TICRR: variants seen among roughly 807,000 people sequenced by gnomAD.
The protein encoded by TICRR is TOPBP1 interacting checkpoint and replication regulator, also known as treslin.
Under a neutral mutation model 178.1 loss-of-function variants are expected in TICRR, and 132 were observed. The ratio of observed to expected loss-of-function variants is 0.74; its 90% confidence interval spans 0.64 to 0.86. The LOEUF (loss-of-function observed/expected upper bound fraction) is 0.86. Among genes scored for constraint, TICRR ranks in the 40% least tolerant of loss-of-function variants. TICRR has a pLI of 0.00. For missense variants in TICRR, 2,587 were observed against 2,334.3 expected (o/e 1.11, Z -2.23); for synonymous variants, 991 against 900.7 (o/e 1.10, Z -1.79).
At chr15:89,621,221 A>C (rs1963420412) in intron 18 of TICRR, among the ~76,000 whole-genome samples, 172 bp from the exon 19 acceptor site, 1 of 151,578 alleles carries the variant, frequency 6.6e-6, no homozygotes, top group Non-Finnish European at 1.5e-5. Flanking sequence ...GTGTTTCGCT[A>C]TGTTGGCCAG....
rs747714132 is a variant in TICRR at position 89,624,174 on chromosome 15, T to C, written c.3864T>C (p.Ala1288=). 1 of 1,614,004 alleles carries C rather than the reference T, an allele frequency of 6.2e-7. No homozygotes were observed. The part of the protein sequence containing the change: ...EEPAQKLKDK[A]IKTPKRPGNS... The stretch of plus-strand genomic sequence containing the variant: ...CAGCCCAGAAACTAAAGGATAAAGC[T>C]ATCAAAACTCCAAAAAGACCAGGGA... The change falls in exon 20 of 22, where the codon GCT becomes GCC. Residue 1288 remains alanine (A), a synonymous_variant. Coordinates refer to ENST00000268138, the MANE Select transcript of TICRR (RefSeq NM_152259.4).
rs753998548 is a variant in TICRR at position 89,624,974 on chromosome 15, G to A, written c.4664G>A (p.Ser1555Asn). Residue 1555 changes from serine (S) to asparagine (N), a missense_variant, in exon 20 of 22, where the codon AGC becomes AAC. Coordinates refer to ENST00000268138, the MANE Select transcript of TICRR (RefSeq NM_152259.4). ...ASAWHSTDSASPQTYEVELEM... is the reference protein window; with the variant it reads ...ASAWHSTDSANPQTYEVELEM... ...GCTTGGCATTCCACAGACTCTGCCA[G>A]CCCACAGACCTATGAGGTTGAGCTG... is the stretch of plus-strand genomic sequence containing the variant. The A allele has an allele frequency of 2.0e-5, 33 of 1,613,942 alleles. No homozygotes were observed. Among genetic ancestry groups the A allele is most frequent in the Non-Finnish European group, 2.5e-5 (29 of 1,180,018 alleles).
chr15:89,615,294 A>G (rs1205611096), intron 15 of TICRR, among the ~76,000 whole-genome samples: 1 of 152,230 alleles, frequency 6.6e-6, no homozygotes, highest in African/African-American at 2.4e-5. Context: ...ACTGCCAGAC[A>G]GGTTAATGGA....
chr15:89,615,680 T>A (rs190621605), intron 15 of TICRR, among the ~76,000 whole-genome samples: 4 of 152,298 alleles, frequency 2.6e-5, no homozygotes, highest in Admixed American at 2.6e-4. Flanking sequence ...ATCAGTCCTC[T>A]CATAAGTAGC....
intron 4 of TICRR, among the ~76,000 whole-genome samples, chr15:89,586,373 A>T (rs975933561): frequency 9.3e-5 from 14 of 151,080 alleles, no homozygotes; most frequent in African/African-American, 2.7e-4. Flanking sequence ...TATATATATA[A>T]AATCAACTTG....
chr15:89,583,205 G>T (rs1397939171), intron 2 of TICRR, among the ~76,000 whole-genome samples: 1 of 152,174 alleles, frequency 6.6e-6, no homozygotes, highest in Non-Finnish European at 1.5e-5. Flanking sequence ...TGATTTTAAA[G>T]TTTACCAGCT....
rs143738923 is a variant in TICRR at position 89,624,921 on chromosome 15, G to T, written c.4611G>T (p.Ser1537=). The T allele has an allele frequency of 8.7e-6, 14 of 1,613,916 alleles. No homozygotes were observed. The East Asian group carries it at 2.9e-4, about 33-fold the overall frequency. The change falls in exon 20 of 22, where the codon TCG becomes TCT. Residue 1537 remains serine, a synonymous_variant. Coordinates refer to ENST00000268138, the MANE Select transcript of TICRR (RefSeq NM_152259.4). ...CAGATGGGAGACAGTGCCAGGCTTC[G>T]GCACAACTAGACAACCTGCCAGCAT... ...CTTDGRQCQA[S]AQLDNLPASA... is the part of the protein sequence containing the mutation.
At chr15:89,592,255 AC>A in intron 5 of TICRR, 79 bp downstream of exon 5, 2 of 1,258,862 alleles carry the variant, frequency 1.6e-6, no homozygotes, top group South Asian at 2.7e-5. Flanking sequence ...TTAACAGACC[AC>A]ATTCTCTGAG....
rs1962761936 is a variant in TICRR, at chr15:89,583,216, G to A, written c.934+251G>A. Among the ~76,000 whole-genome samples, 4 of 152,304 alleles carry A rather than the reference G, an allele frequency of 2.6e-5. No individual in the cohort carries two copies. In the South Asian group the frequency reaches 8.3e-4, roughly 32 times the overall value. ...TGATTGATTTTAAAGTTTACCAGCT[G>A]TTCCCAAAGAAGGGTAATATTATTC... On this transcript the variant is annotated intron_variant, in intron 2 of 21. Transcript: ENST00000268138.
At position 89,608,895 on chromosome 15, in the gene TICRR, G is replaced by T. The variant is rs761741159; in HGVS notation, c.2815G>T (p.Val939Leu). The change falls in exon 15 of 22, where the codon GTG (valine) becomes TTG (leucine). Residue 939 changes from valine to leucine, a missense_variant. Coordinates refer to ENST00000268138, the MANE Select transcript of TICRR (RefSeq NM_152259.4). ...GCGGGGGTTGCCTAGAAGCCATTCTGTGTCAGCTGTGGATGGTCTAGAGGA... is the reference window on the plus strand; with the variant it reads ...GCGGGGGTTGCCTAGAAGCCATTCTTTGTCAGCTGTGGATGGTCTAGAGGA... Reference protein sequence around the residue: ...LKRGLPRSHSVSAVDGLEDKL... With the variant: ...LKRGLPRSHSLSAVDGLEDKL... 13 of 1,611,288 alleles carry T rather than the reference G, an allele frequency of 8.1e-6. No homozygotes were observed. The highest frequency in any genetic ancestry group is 1.7e-5 in the Admixed American group (1 of 59,450).
intron 15 of TICRR, among the ~76,000 whole-genome samples, chr15:89,611,264 T>C (rs1963252437): frequency 6.6e-6 from 1 of 152,210 alleles, no homozygotes; most frequent in Admixed American, 6.5e-5. Flanking sequence ...GTGAAGGACA[T>C]AGAATTTTTG....
At chr15:89,597,341 T>C (rs1402708475) in intron 7 of TICRR, among the ~76,000 whole-genome samples, 1 of 152,028 alleles carries the variant, frequency 6.6e-6, no homozygotes, top group Non-Finnish European at 1.5e-5. Flanking sequence ...CTGGCCAGCA[T>C]GGTGAAACCC....
chr15:89,595,342 C>T (rs889180833), intron 6 of TICRR, 51 bp from the exon 7 acceptor site: 1 of 1,336,806 alleles, frequency 7.5e-7, no homozygotes, highest in Non-Finnish European at 1.1e-6. Context: ...TTCTTCTTTC[C>T]ACAGAAGTGG....
At chr15:89,599,528 G>T in intron 8 of TICRR, 53 bp downstream of exon 8, 1 of 1,560,980 alleles carries the variant, frequency 6.4e-7, no homozygotes, top group South Asian at 1.2e-5. Flanking sequence ...TTGGTTGGTT[G>T]GTTGGTGGTG....
intron 19 of TICRR, 99 bp downstream of exon 19, chr15:89,621,649 C>T (rs1963427442): frequency 2.0e-6 from 2 of 1,004,966 alleles, no homozygotes; most frequent in Admixed American, 2.8e-5. Context: ...AAGCAGGTGA[C>T]CTCTAGATAA....
chr15:89,585,584 T>C (rs1262570523), intron 3 of TICRR, 124 bp from the exon 4 acceptor site: 4 of 703,926 alleles, frequency 5.7e-6, no homozygotes, highest in Non-Finnish European at 9.8e-6. Flanking sequence ...ATCAAATCTA[T>C]CTTTTTCATA....
In TICRR at chr15:89,625,403, C is replaced by A. The variant is rs373178516; in HGVS notation, c.5093C>A (p.Ser1698Tyr). 2 of 1,613,928 alleles carry A rather than the reference C, an allele frequency of 1.2e-6. No individual in the cohort carries two copies. The highest frequency in any genetic ancestry group is 1.7e-6 in the Non-Finnish European group (2 of 1,179,994). Residue 1698 changes from serine to tyrosine, a missense_variant, in exon 20 of 22, where the codon TCC (serine) becomes TAC (tyrosine). Transcript: ENST00000268138. ...RKRAVGCGAG[S>Y]SSGRGEVGAD... ...AGGGCGGTGGGCTGTGGCGCCGGCT[C>A]CTCTTCCGGGAGGGGCGAGGTCGGT...
At position 89,595,586 on chromosome 15, in the gene TICRR, A is replaced by G. The variant is rs775543482; in HGVS notation, c.1875A>G (p.Arg625=). The G allele has an allele frequency of 1.9e-5, 31 of 1,614,132 alleles. No homozygotes were observed. The South Asian group carries it at 3.3e-4, about 17-fold the overall frequency. Residue 625 remains arginine (R), a synonymous_variant, in exon 7 of 22, where the codon AGA becomes AGG. Transcript: ENST00000268138. ...RTVDKLEDRG[R]TLRSSKPKDF... The stretch of plus-strand genomic sequence containing the variant: ...TGGATAAATTGGAAGACAGAGGAAG[A>G]ACACTAAGAAGTTCTAAACCTAAAG...
chr15:89,610,915 T>A (rs1216095130), intron 15 of TICRR, among the ~76,000 whole-genome samples: 1 of 152,174 alleles, frequency 6.6e-6, no homozygotes, highest in African/African-American at 2.4e-5. Flanking sequence ...GAACCTGGCT[T>A]TATGAATAAA....
Sources: allele counts gnomAD v4.1 joint callset (sites outside exome capture counted in the v4.1 genomes callset), GRCh38; gene constraint gnomAD v4.1.1; transcripts MANE v1.5; gene names NCBI Gene and HGNC (gene_info 2026-07-23, HGNC 2026-07-21).